MINDY3: variants seen among roughly 807,000 people sequenced by gnomAD.
The protein encoded by MINDY3 is MINDY lysine 48 deubiquitinase 3.
A neutral mutation model predicts 69.2 loss-of-function variants in MINDY3; 38 were observed. The ratio of observed to expected loss-of-function variants is 0.55; its 90% CI spans 0.42 to 0.72. The LOEUF is 0.72. MINDY3 is among the 30% of genes least tolerant of loss of function. The pLI is 0.00. For synonymous variants in MINDY3, 192 were observed against 180.1 expected, an observed-to-expected ratio of 1.07 and a Z score of -0.53; for missense variants, 522 against 519.0, an observed-to-expected ratio of 1.01 and a Z score of -0.06.
At chr10:15,816,639 T>C (rs1839389055) in intron 10 of MINDY3, among the ~76,000 whole-genome samples, 196 bp downstream of exon 10, 2 of 152,180 alleles carry the variant, frequency 1.3e-5, no homozygotes, top group South Asian at 2.1e-4. Flanking sequence ...TAAATCATGA[T>C]AGATTTTGAT....
intron 7 of MINDY3, 86 bp downstream of exon 7, chr10:15,834,457 T>G: frequency 1.1e-6 from 1 of 914,304 alleles, no homozygotes; most frequent in Non-Finnish European, 1.8e-6. Context: ...ACAAACAAAA[T>G]TACTTGACTC....
At chr10:15,786,498 C>T (rs1057116456) in intron 13 of MINDY3, 63 bp downstream of exon 13, 3 of 1,013,096 alleles carry the variant, frequency 3.0e-6, no homozygotes, top group Non-Finnish European at 4.6e-6. Context: ...GAAAATGCTG[C>T]AAACAATCAC....
At chr10:15,802,946 G>C (rs1410948312) in intron 10 of MINDY3, among the ~76,000 whole-genome samples, 1 of 152,048 alleles carries the variant, frequency 6.6e-6, no homozygotes, top group African/African-American at 2.4e-5. Flanking sequence ...GATGAAAAAA[G>C]AGAATAAAAA....
At chr10:15,835,778 T>G (rs1833034535) in intron 6 of MINDY3, among the ~76,000 whole-genome samples, 1 of 152,130 alleles carries the variant, frequency 6.6e-6, no homozygotes, top group Admixed American at 6.6e-5. Context: ...GTTCTCTTAT[T>G]TATTTACATT....
intron 10 of MINDY3, among the ~76,000 whole-genome samples, chr10:15,801,042 C>T (rs543448845): frequency 6.6e-6 from 1 of 152,256 alleles, no homozygotes; most frequent in South Asian, 2.1e-4. Flanking sequence ...TTAAAAATAT[C>T]AAGGTAACAG....
chr10:15,850,423 A>G (rs955703743), intron 1 of MINDY3, among the ~76,000 whole-genome samples: 2 of 152,222 alleles, frequency 1.3e-5, no homozygotes, highest in African/African-American at 4.8e-5. Context: ...AAAAGCAAAT[A>G]GAAGAAATAT....
At chr10:15,830,027 T>G (rs562834396) in intron 8 of MINDY3, among the ~76,000 whole-genome samples, 28 of 152,218 alleles carry the variant, frequency 1.8e-4, no homozygotes, top group African/African-American at 6.3e-4. Flanking sequence ...ATGGAGAATC[T>G]CGAAGACTCA....
At chr10:15,818,491 A>G (rs1336407364) in intron 9 of MINDY3, among the ~76,000 whole-genome samples, 1 of 152,294 alleles carries the variant, frequency 6.6e-6, no homozygotes. Flanking sequence ...TATGACCAGT[A>G]ATTTCACTCC....
intron 11 of MINDY3, among the ~76,000 whole-genome samples, chr10:15,792,559 A>C (rs545776086): frequency 6.6e-6 from 1 of 152,172 alleles, no homozygotes; most frequent in South Asian, 2.1e-4. Context: ...CAGAAAAGAC[A>C]AGGCAATTCT....
intron 13 of MINDY3, among the ~76,000 whole-genome samples, chr10:15,784,546 A>G (rs1836803851): frequency 1.3e-5 from 2 of 152,134 alleles, no homozygotes; most frequent in South Asian, 4.1e-4. Context: ...GGAGTTTGAG[A>G]CCAGCCTGAC....
intron 1 of MINDY3, chr10:15,857,981 CCA>C: frequency 1.1e-5 from 11 of 981,652 alleles, no homozygotes; most frequent in Non-Finnish European, 1.3e-5. Context: ...TGAAATAAAG[CCA>C]GAGTTGATGT....
intron 13 of MINDY3, among the ~76,000 whole-genome samples, chr10:15,786,126 G>C (rs779519120): frequency 2.0e-5 from 3 of 152,100 alleles, no homozygotes; most frequent in African/African-American, 2.4e-5. Flanking sequence ...TGTCCCAATG[G>C]GAAACGGCCC....
chr10:15,780,398 CA>C (rs138516893), intron 14 of MINDY3, among the ~76,000 whole-genome samples: 2,071 of 152,248 alleles, frequency 0.014, 33 homozygotes, highest in African/African-American at 0.047. Context: ...TTTCAGTCCC[CA>C]AAGCAAAACT....
intron 14 of MINDY3, among the ~76,000 whole-genome samples, chr10:15,779,921 A>G (rs910602073): frequency 2.0e-5 from 3 of 152,220 alleles, no homozygotes; most frequent in Non-Finnish European, 4.4e-5. Flanking sequence ...GGACATATCA[A>G]CAAAAACCCT....
At chr10:15,799,231 G>C (rs1838073739) in intron 10 of MINDY3, among the ~76,000 whole-genome samples, 1 of 151,886 alleles carries the variant, frequency 6.6e-6, no homozygotes, top group Admixed American at 6.6e-5. Context: ...ATGGAATCTT[G>C]CTCTGTTGCC....
intron 11 of MINDY3, among the ~76,000 whole-genome samples, chr10:15,791,261 C>T (rs1837389504): frequency 6.6e-6 from 1 of 151,834 alleles, no homozygotes; most frequent in African/African-American, 2.4e-5. Context: ...GTTAACCATA[C>T]CTACAAAAAA....
intron 1 of MINDY3, among the ~76,000 whole-genome samples, chr10:15,850,534 T>G (rs907028573): frequency 6.6e-6 from 1 of 152,026 alleles, no homozygotes; most frequent in Non-Finnish European, 1.5e-5. Flanking sequence ...TCTTATACAG[T>G]TGTAGATAAG....
chr10:15,800,295 C>T (rs899352527), intron 10 of MINDY3, among the ~76,000 whole-genome samples: 13 of 152,134 alleles, frequency 8.5e-5, no homozygotes, highest in East Asian at 5.8e-4. Flanking sequence ...CAGGGGCATA[C>T]GGACTGTACC....
At chr10:15,832,960 G>A (rs1832834660) in intron 8 of MINDY3, among the ~76,000 whole-genome samples, 1 of 152,120 alleles carries the variant, frequency 6.6e-6, no homozygotes, top group Non-Finnish European at 1.5e-5. Context: ...ACTTCAGAGA[G>A]GCACACTGTG....
Sources: gnomAD v4.1 joint callset for allele counts (sites outside exome capture counted in the v4.1 genomes callset) on GRCh38, gnomAD v4.1.1 for gene constraint, MANE v1.5 for transcripts, NCBI Gene and HGNC (gene_info 2026-07-23, HGNC 2026-07-21) for gene names.